Variants in QSOX2 observed in about 807,000 individuals in gnomAD.
QSOX2 encodes the protein sulfhydryl oxidase 2.
A neutral mutation model predicts 61.7 loss-of-function variants in QSOX2; 46 were observed. The observed-to-expected ratio is 0.75, with a 90% CI of 0.59 to 0.95. The LOEUF (loss-of-function observed/expected upper bound fraction) is 0.95. Among genes scored for constraint, QSOX2 ranks in the 40% least tolerant of loss-of-function variants. QSOX2 has a pLI of 0.00. For synonymous variants in QSOX2, 383 were observed against 388.4 expected, an observed-to-expected ratio of 0.99 and a Z score of 0.16; for missense variants, 879 against 918.9, an observed-to-expected ratio of 0.96 and a Z score of 0.56.
intron 1 of QSOX2, among the ~76,000 whole-genome samples, chr9:136,240,556 G>A (rs1286645418): frequency 6.6e-6 from 1 of 152,190 alleles, no homozygotes; most frequent in Non-Finnish European, 1.5e-5. Flanking sequence ...GACCCTCTCT[G>A]GGTGGAGCCC....
At position 136,211,400 on chromosome 9, in the gene QSOX2, G is replaced by A; in HGVS notation, c.1413C>T (p.His471=). The part of the protein sequence containing the change: ...AVLQTMRRYV[H]TFFGCKECGE... The stretch of plus-strand genomic sequence containing the variant: ...CACATTCCTTACACCCAAAGAAGGT[G>A]TGAACGTACCTCCTCATTGTCTGCA... Residue 471 remains histidine (H), a synonymous_variant, in exon 11 of 12, where the codon CAC becomes CAT. Coordinates refer to ENST00000358701, the MANE Select transcript of QSOX2 (RefSeq NM_181701.4). 1 of 1,614,218 alleles carries A rather than the reference G, an allele frequency of 6.2e-7. No individual in the cohort carries two copies. Among genetic ancestry groups the A allele is most frequent in the African/African-American group, 1.3e-5 (1 of 75,064 alleles).
intron 10 of QSOX2, among the ~76,000 whole-genome samples, chr9:136,212,629 C>T (rs984733197): frequency 1.3e-5 from 2 of 152,222 alleles, no homozygotes; most frequent in Admixed American, 1.3e-4. Flanking sequence ...CCCTGTGACC[C>T]GGCCCGTCTG....
At chr9:136,233,654 G>A (rs1333831487) in intron 1 of QSOX2, among the ~76,000 whole-genome samples, 3 of 152,194 alleles carry the variant, frequency 2.0e-5, no homozygotes, top group South Asian at 2.1e-4. Flanking sequence ...AGGAAACCAC[G>A]AGAGGTCGTG....
At chr9:136,244,647 G>A (rs1288633780) in intron 1 of QSOX2, among the ~76,000 whole-genome samples, 7 of 152,192 alleles carry the variant, frequency 4.6e-5, no homozygotes, top group Non-Finnish European at 8.8e-5. Context: ...TAAGGGAAGG[G>A]TGTTGTGAAT....
chr9:136,228,731 T>C (rs1830304465), intron 1 of QSOX2, among the ~76,000 whole-genome samples: 1 of 152,272 alleles, frequency 6.6e-6, no homozygotes, highest in African/African-American at 2.4e-5. Flanking sequence ...GGTGCTGCCC[T>C]GGCACAGCCT....
chr9:136,211,241 C>A, intron 11 of QSOX2, 23 bp downstream of exon 11: 1 of 1,611,692 alleles, frequency 6.2e-7, no homozygotes, highest in Non-Finnish European at 8.5e-7. Context: ...GTGCTGAGCC[C>A]CCCATGCCCA....
intron 2 of QSOX2, among the ~76,000 whole-genome samples, chr9:136,225,204 C>T (rs1830268003): frequency 6.6e-6 from 1 of 152,230 alleles, no homozygotes; most frequent in Admixed American, 6.5e-5. Context: ...ATAAAAGACA[C>T]CGCTCTCTGG....
chr9:136,241,255 C>A (rs757129771), intron 1 of QSOX2, among the ~76,000 whole-genome samples: 9 of 152,358 alleles, frequency 5.9e-5, no homozygotes, highest in Non-Finnish European at 8.8e-5. Context: ...CTCCTTCCAC[C>A]CTCTCCATCC....
Position 136,218,730 on chromosome 9 carries a change from C to G in QSOX2, c.1035G>C (p.Leu345=). Residue 345 remains leucine, a synonymous_variant, in exon 8 of 12, where the codon CTG becomes CTC. Coordinates refer to ENST00000358701, the MANE Select transcript of QSOX2 (RefSeq NM_181701.4). ...TGAGCGTCTTCAGCTCTGCTCCGGC[C>G]AGGGACTTGTGGGCTGCCAGCTCCA... ...LRVELAAHKS[L]AGAELKTLKD... is the part of the protein sequence containing the mutation. 2 of 1,613,784 alleles carry G rather than the reference C, an allele frequency of 1.2e-6. No individual in the cohort carries two copies. Among genetic ancestry groups the G allele is most frequent in the Non-Finnish European group, 1.7e-6 (2 of 1,180,026 alleles).
chr9:136,209,611 G>GCT lies in QSOX2; in HGVS notation c.1550-338_1550-337dup. 2 of 985,330 alleles carry GCT rather than the reference G, an allele frequency of 2.0e-6. No individual in the cohort carries two copies. The highest frequency in any genetic ancestry group is 1.2e-6 in the Non-Finnish European group (1 of 829,904). The allele number at this position is 985,330 out of a possible 1,614,324, so 61.0% of individuals were successfully genotyped here. On this transcript the variant is annotated intron_variant, in intron 11 of 11. Transcript: ENST00000358701. The surrounding 1 kb of genome is among the most constrained non-coding windows in gnomAD (Gnocchi z 5.6). ...CTCCACTTCCAAAACGGAGCATGCA[G>GCT]CTCTCACCTGGAGGCCTTTCTCCGC...
Position 136,209,052 on chromosome 9 carries a change from C to T in QSOX2, c.1773G>A (p.Glu591=). The change falls in exon 12 of 12, where the codon GAG becomes GAA. Residue 591 remains glutamate (E), a synonymous_variant. Transcript: ENST00000358701. The surrounding 1 kb of genome is among the most constrained non-coding windows in gnomAD (Gnocchi z 5.6). ...ACACCTCTGGGGGAGTGAGTCTTTT[C>T]TCCTCTTCCTCACCCCTGGCCAGGG... is the stretch of plus-strand genomic sequence containing the variant. ...GGTLARGEEE[E]KRLTPPEVSH... 6.2e-7 allele frequency: 1 copy of T among 1,614,152 alleles called. No homozygotes were observed. Among genetic ancestry groups the T allele is most frequent in the African/African-American group, 1.3e-5 (1 of 75,066 alleles).
Position 136,211,016 on chromosome 9 carries a change from T to C in QSOX2, c.1549+248A>G, listed in dbSNP as rs368503626. The C allele has an allele frequency of 3.3e-4, 202 of 612,876 alleles. No homozygotes were observed. The South Asian group carries it at 8.8e-3, about 27-fold the overall frequency. The allele number at this position is 612,876 out of a possible 1,614,324, so 38.0% of individuals were successfully genotyped here. A position where few individuals can be genotyped will look rare whatever the true frequency, so the allele number is the denominator to read the frequency against. ...ATGGGGGAAGAAAGAGCCACACCCA[T>C]TTCCACGGGGTCGAAGAGCCCCCGG... On this transcript the variant is annotated intron_variant, in intron 11 of 11. Transcript: ENST00000358701.
intron 10 of QSOX2, among the ~76,000 whole-genome samples, chr9:136,212,735 C>T (rs1413320392): frequency 6.6e-6 from 1 of 152,232 alleles, no homozygotes; most frequent in African/African-American, 2.4e-5. Flanking sequence ...CGCGGGGCCA[C>T]CCTAATCTTT....
intron 6 of QSOX2, among the ~76,000 whole-genome samples, chr9:136,220,521 C>T (rs969850789): frequency 1.3e-5 from 2 of 152,148 alleles, no homozygotes; most frequent in East Asian, 1.9e-4. Flanking sequence ...CAGAGTCAAC[C>T]GTGGCTAAAC....
At chr9:136,245,432 C>T (rs782788792) in intron 1 of QSOX2, 44 bp downstream of exon 1, 5 of 1,509,790 alleles carry the variant, frequency 3.3e-6, no homozygotes, top group African/African-American at 2.8e-5. Context: ...CGGAAGGCCG[C>T]GGTCCCGGGG....
At chr9:136,213,165 A>G (rs988305175) in intron 10 of QSOX2, among the ~76,000 whole-genome samples, 2 of 151,936 alleles carry the variant, frequency 1.3e-5, no homozygotes, top group East Asian at 1.9e-4. Flanking sequence ...ATGTCAGCTC[A>G]TCTCCTCACC....
In QSOX2 at chr9:136,234,748, C is replaced by CG. The variant is rs1564296955; in HGVS notation, c.329-7875_329-7874insC. Among the ~76,000 whole-genome samples, 215 of 140,516 alleles carry CG rather than the reference C, an allele frequency of 1.5e-3. 38 individuals carry two copies. The highest frequency in any genetic ancestry group is 4.5e-3 in the African/African-American group (151 of 33,568). The allele number at this position is 140,516 out of a possible 152,430, so 92.2% of individuals were successfully genotyped here. On this transcript the variant is annotated intron_variant, in intron 1 of 11. Coordinates refer to ENST00000358701, the MANE Select transcript of QSOX2 (RefSeq NM_181701.4). ...GGCTTGGGAGCAAGGCTGGTCTCCACAAGGCCCCCCAGCTCCACTGCGCCC... is the reference window on the plus strand; with the variant it reads ...GGCTTGGGAGCAAGGCTGGTCTCCACGAAGGCCCCCCAGCTCCACTGCGCCC...
rs181884727 is a variant in QSOX2, at chr9:136,213,006, T to C, written c.1361-1554A>G. ...CACTGCTCTTACAATTCCACTACAC[T>C]AGGGCTGGTCCTAGAAGAGTTTAAA... On this transcript the variant is annotated intron_variant, in intron 10 of 11. Coordinates refer to ENST00000358701, the MANE Select transcript of QSOX2 (RefSeq NM_181701.4). Among the ~76,000 whole-genome samples, 504 of 152,230 alleles carry C rather than the reference T, an allele frequency of 3.3e-3. 2 individuals carry two copies. The highest frequency in any genetic ancestry group is 3.9e-3 in the Non-Finnish European group (264 of 68,016).
In QSOX2 at chr9:136,219,181, G is replaced by C; in HGVS notation, c.822-17C>G. On this transcript the variant is annotated splice_polypyrimidine_tract_variant and intron_variant, in intron 6 of 11. Coordinates refer to ENST00000358701, the MANE Select transcript of QSOX2 (RefSeq NM_181701.4). ...GGCTTCACGCTGTGAGAGAGGGGAG[G>C]GCAAAGGTGAGAAGAGCCTCCTTTA... is the stretch of plus-strand genomic sequence containing the variant. The C allele has an allele frequency of 6.2e-7, 1 of 1,609,602 alleles. No homozygotes were observed. Among genetic ancestry groups the C allele is most frequent in the Non-Finnish European group, 8.5e-7 (1 of 1,177,638 alleles).
Sources: gnomAD v4.1 joint callset for allele counts (sites outside exome capture counted in the v4.1 genomes callset) on GRCh38, gnomAD v4.1.1 for gene constraint, Gnocchi (gnomAD v3.1) non-coding constraint, MANE v1.5 for transcripts, NCBI Gene and HGNC (gene_info 2026-07-23, HGNC 2026-07-21) for gene names.